The following CSMD3 variants were observed in gnomAD, a reference collection of about 807,000 sequenced individuals.
CSMD3 encodes CUB and Sushi multiple domains 3.
In CSMD3, 177 loss-of-function variants were observed where a neutral mutation model predicts 435.2. The ratio of observed to expected loss-of-function variants is 0.41; its 90% CI spans 0.36 to 0.46. The LOEUF (loss-of-function observed/expected upper bound fraction) is 0.46. Among genes scored for constraint, CSMD3 ranks in the 20% least tolerant of loss-of-function variants. The pLI, the probability that CSMD3 is intolerant of heterozygous loss-of-function variation, is 0.34. For missense variants in CSMD3, 4,265 were observed against 4,504.6 expected (o/e 0.95, Z 1.52); for synonymous variants, 1,656 against 1,520.5 (o/e 1.09, Z -2.07).
At chr8:113,213,489 A>G (rs983184049) in intron 3 of CSMD3, among the ~76,000 whole-genome samples, 2 of 151,916 alleles carry the variant, frequency 1.3e-5, no homozygotes, top group African/African-American at 4.8e-5. Context: ...AAAACTTCAC[A>G]GAAATTATTA....
At chr8:112,447,478 T>C (rs1815736252) in intron 32 of CSMD3, among the ~76,000 whole-genome samples, 2 of 152,310 alleles carry the variant, frequency 1.3e-5, no homozygotes, top group South Asian at 2.1e-4. Flanking sequence ...TTCCTGAAAC[T>C]CAGTGCCCTT....
intron 11 of CSMD3, among the ~76,000 whole-genome samples, chr8:112,846,153 G>A (rs982974781): frequency 6.7e-6 from 1 of 150,344 alleles, no homozygotes; most frequent in African/African-American, 2.4e-5. Context: ...CAAAATTAAA[G>A]TGGAAAATGC....
intron 45 of CSMD3, among the ~76,000 whole-genome samples, chr8:112,328,498 A>AATT (rs1823725453): frequency 1.3e-5 from 2 of 152,146 alleles, no homozygotes. Flanking sequence ...TGCCTCTATA[A>AATT]GGGAGAATAT....
At chr8:112,501,995 T>C (rs978465056) in intron 30 of CSMD3, among the ~76,000 whole-genome samples, 2 of 152,090 alleles carry the variant, frequency 1.3e-5, no homozygotes, top group Non-Finnish European at 2.9e-5. Flanking sequence ...TATAAAAATA[T>C]GTGCAAGCAT....
At chr8:112,521,752 AG>A (rs1035086590) in intron 27 of CSMD3, among the ~76,000 whole-genome samples, 1 of 151,898 alleles carries the variant, frequency 6.6e-6, no homozygotes, top group Non-Finnish European at 1.5e-5. Context: ...GATATCTGGT[AG>A]GTTCCTTAAC....
At chr8:113,169,651 T>C (rs1466031233) in intron 4 of CSMD3, among the ~76,000 whole-genome samples, 2 of 152,204 alleles carry the variant, frequency 1.3e-5, no homozygotes. Flanking sequence ...TATGTGTCTC[T>C]TTTACATACA....
intron 30 of CSMD3, among the ~76,000 whole-genome samples, chr8:112,501,677 C>T (rs1821978323): frequency 6.6e-6 from 1 of 152,136 alleles, no homozygotes; most frequent in African/African-American, 2.4e-5. Context: ...AGTAATCCCA[C>T]TCTTTGGTAT....
chr8:112,648,632 G>C (rs958642909), intron 19 of CSMD3, among the ~76,000 whole-genome samples: 5 of 152,166 alleles, frequency 3.3e-5, no homozygotes, highest in Non-Finnish European at 7.4e-5. Context: ...ATGGAAAAAT[G>C]ATGAGGGCCT....
At chr8:112,585,385 C>A (rs1429954500) in intron 23 of CSMD3, among the ~76,000 whole-genome samples, 2 of 149,890 alleles carry the variant, frequency 1.3e-5, no homozygotes, top group African/African-American at 2.4e-5. Context: ...TTGAAGAAAT[C>A]ATTTAAAGGG....
intron 12 of CSMD3, among the ~76,000 whole-genome samples, chr8:112,812,854 C>T (rs978050957): frequency 2.0e-5 from 3 of 151,948 alleles, no homozygotes; most frequent in East Asian, 1.9e-4. Context: ...TAAATAGGTG[C>T]GCTCAAAAAT....
At chr8:112,815,125 A>C (rs1281660757) in intron 12 of CSMD3, among the ~76,000 whole-genome samples, 1 of 152,104 alleles carries the variant, frequency 6.6e-6, no homozygotes, top group Non-Finnish European at 1.5e-5. Context: ...CTAACACATC[A>C]CAGTAGAGTG....
At chr8:112,481,580 C>G (rs1819625690) in intron 31 of CSMD3, among the ~76,000 whole-genome samples, 1 of 152,102 alleles carries the variant, frequency 6.6e-6, no homozygotes. Context: ...TTTGAAAGAA[C>G]TGCTGTACCT....
At chr8:112,826,027 C>T (rs1394271939) in intron 12 of CSMD3, among the ~76,000 whole-genome samples, 1 of 152,172 alleles carries the variant, frequency 6.6e-6, no homozygotes, top group African/African-American at 2.4e-5. Context: ...TCCCTGAGCC[C>T]CTGGCTGGAG....
intron 38 of CSMD3, among the ~76,000 whole-genome samples, chr8:112,355,535 C>T (rs755796546): frequency 1.6e-4 from 25 of 152,048 alleles, no homozygotes; most frequent in Non-Finnish European, 2.9e-4. Context: ...ACAAATTCCC[C>T]ATTAAAAAGT....
chr8:113,198,998 T>C (rs1040400507), intron 3 of CSMD3, among the ~76,000 whole-genome samples: 8 of 150,964 alleles, frequency 5.3e-5, no homozygotes, highest in Non-Finnish European at 8.9e-5. Context: ...TGAGTATTAA[T>C]TATGACTCTC....
chr8:113,414,482 C>A (rs761020019), intron 1 of CSMD3, among the ~76,000 whole-genome samples: 3 of 151,964 alleles, frequency 2.0e-5, no homozygotes, highest in African/African-American at 7.3e-5. Context: ...ACCCTTATAA[C>A]ATTTTAATGT....
intron 37 of CSMD3, among the ~76,000 whole-genome samples, chr8:112,382,105 C>T (rs1829514534): frequency 6.6e-6 from 1 of 151,662 alleles, no homozygotes; most frequent in South Asian, 2.1e-4. Context: ...ATAGCGAGAC[C>T]TCAGCTCTAA....
At chr8:113,123,477 C>G (rs1383168502) in intron 4 of CSMD3, among the ~76,000 whole-genome samples, 4 of 152,042 alleles carry the variant, frequency 2.6e-5, no homozygotes, top group Admixed American at 2.6e-4. Context: ...ATGCTTCACA[C>G]AGGCATATTC....
chr8:112,780,638 C>T (rs1029990204), intron 13 of CSMD3, among the ~76,000 whole-genome samples: 10 of 152,058 alleles, frequency 6.6e-5, no homozygotes, highest in Admixed American at 5.2e-4. Flanking sequence ...GTGGGGCACA[C>T]AGAATCTGTG....
Sources: allele counts gnomAD v4.1 joint callset (sites outside exome capture counted in the v4.1 genomes callset), GRCh38; gene constraint gnomAD v4.1.1; transcripts MANE v1.5; gene names NCBI Gene and HGNC (gene_info 2026-07-23, HGNC 2026-07-21).